Variants in SMARCA4 observed in about 807,000 individuals in gnomAD.
SMARCA4 encodes the protein SWI/SNF related BAF chromatin remodeling complex subunit ATPase 4, also known as SWI/SNF-related matrix-associated actin-dependent regulator of chromatin subfamily A member 4.
In SMARCA4, 31 loss-of-function variants were observed where a neutral mutation model predicts 193.9. The ratio of observed to expected loss-of-function variants is 0.16; its 90% CI spans 0.12 to 0.22. SMARCA4 has a LOEUF of 0.22. SMARCA4 is among the 10% of genes least tolerant of loss of function. SMARCA4 has a pLI of 1.00. For synonymous variants in SMARCA4, 942 were observed against 933.1 expected (o/e 1.01, Z -0.17); for missense variants, 1,148 against 2,296.0 (o/e 0.50, Z 10.22).
intron 11 of SMARCA4, among the ~76,000 whole-genome samples, chr19:11,002,346 A>T (rs1034667262): frequency 1.3e-5 from 2 of 152,000 alleles, no homozygotes; most frequent in African/African-American, 4.8e-5. Flanking sequence ...GGGCATGGTG[A>T]TGGGCACCTG....
At chr19:11,023,444 C>A in intron 19 of SMARCA4, 74 bp from the exon 20 acceptor site, 1 of 968,710 alleles carries the variant, frequency 1.0e-6, no homozygotes, top group Non-Finnish European at 1.6e-6. Flanking sequence ...TCCCCACATC[C>A]GCACCTTCTA....
At position 10,985,173 on chromosome 19, in the gene SMARCA4, C is replaced by A. The variant is rs2085907721; in HGVS notation, c.223-100C>A. The A allele has an allele frequency of 1.6e-6, 2 of 1,271,324 alleles. No individual in the cohort carries two copies. The highest frequency in any genetic ancestry group is 2.3e-6 in the Non-Finnish European group (2 of 874,972). 78.8% of individuals were successfully genotyped at this position (1,271,324 alleles called of 1,614,324 possible). ...GGAGATGCGCGTCATCTTCGGGTGG[C>A]TGTTCTCGGTGCCCTCGAGCTTCTC... On this transcript the variant is annotated intron_variant, in intron 2 of 34. Coordinates refer to ENST00000344626, the MANE Select transcript of SMARCA4 (RefSeq NM_003072.5). The surrounding 1 kb of genome is among the most constrained non-coding windows in gnomAD (Gnocchi z 4.5).
At chr19:11,061,525 G>A (rs1196514279) in intron 34 of SMARCA4, among the ~76,000 whole-genome samples, 5 of 152,024 alleles carry the variant, frequency 3.3e-5, no homozygotes, top group African/African-American at 4.8e-5. Context: ...ACAGGCGCCC[G>A]CCACCACGCC....
In SMARCA4 at chr19:10,984,111, T is replaced by C. The variant is rs2145719007; in HGVS notation, c.-31-10T>C. Reference sequence around the variant, plus strand: ...TCATGAACCCCAGACTGACCAGGACTGTCTTCCAGCAGGAGGCCACTGTCT... The same window carrying C: ...TCATGAACCCCAGACTGACCAGGACCGTCTTCCAGCAGGAGGCCACTGTCT... On this transcript the variant is annotated splice_polypyrimidine_tract_variant and intron_variant, in intron 1 of 34. Coordinates refer to ENST00000344626, the MANE Select transcript of SMARCA4 (RefSeq NM_003072.5). The surrounding 1 kb of genome is among the most constrained non-coding windows in gnomAD (Gnocchi z 4.3). 1 of 1,612,984 alleles carries C rather than the reference T, an allele frequency of 6.2e-7. No homozygotes were observed. The highest frequency in any genetic ancestry group is 8.5e-7 in the Non-Finnish European group (1 of 1,179,540).
At chr19:11,051,628 C>T (rs1246547867) in intron 30 of SMARCA4, among the ~76,000 whole-genome samples, 13 of 151,808 alleles carry the variant, frequency 8.6e-5, no homozygotes, top group African/African-American at 1.4e-4. Flanking sequence ...GTAGCTGGGA[C>T]TACAGGCATG....
At chr19:10,974,676 T>TGC (rs897282835) in intron 1 of SMARCA4, among the ~76,000 whole-genome samples, 3 of 46,812 alleles carry the variant, frequency 6.4e-5, no homozygotes, top group African/African-American at 2.2e-4. Flanking sequence ...CATATATATA[T>TGC]ATATATATAT....
At chr19:10,988,063 C>A in intron 6 of SMARCA4, 139 bp downstream of exon 6, 1 of 793,250 alleles carries the variant, frequency 1.3e-6, no homozygotes, top group Non-Finnish European at 2.1e-6. Context: ...CCTCCTTCCT[C>A]ACCTCCCTGC....
In SMARCA4 at chr19:10,987,241, G is replaced by A. The variant is rs1015202120; in HGVS notation, c.859+238G>A. The stretch of plus-strand genomic sequence containing the variant: ...CACCCAGTCCCTGAGCCCTGTATAT[G>A]TAATTGCTCAGTAAGTGCTGCAGGC... On this transcript the variant is annotated intron_variant, in intron 5 of 34. Coordinates refer to ENST00000344626, the MANE Select transcript of SMARCA4 (RefSeq NM_003072.5). This position sits in a 1 kb window ranked among gnomAD's most constrained non-coding sequence, Gnocchi z 5.3. Among the ~76,000 whole-genome samples the A allele has an allele frequency of 6.6e-6, 1 of 152,214 alleles. No homozygotes were observed. Among genetic ancestry groups the A allele is most frequent in the Non-Finnish European group, 1.5e-5 (1 of 68,036 alleles).
At chr19:11,025,759 A>G (rs1235669655) in intron 22 of SMARCA4, 6 of 502,620 alleles carry the variant, frequency 1.2e-5, no homozygotes, top group African/African-American at 9.6e-5. Flanking sequence ...GCGTTTGGAG[A>G]CTTCTCTGGG....
chr19:11,057,836 C>T (rs2076629893), intron 30 of SMARCA4, among the ~76,000 whole-genome samples: 2 of 152,224 alleles, frequency 1.3e-5, no homozygotes, highest in East Asian at 1.9e-4. Context: ...GGCATGGTGG[C>T]TCACACCTGT....
chr19:10,986,857 A>C lies in SMARCA4; in HGVS notation c.761-48A>C, dbSNP rs1177744608. On this transcript the variant is annotated intron_variant, in intron 4 of 34. Coordinates refer to ENST00000344626, the MANE Select transcript of SMARCA4 (RefSeq NM_003072.5). The surrounding 1 kb of genome is among the most constrained non-coding windows in gnomAD (Gnocchi z 6.7). ...GCTGCCCACGGGGCTGGGCGCAGGCATAAACCTGGGACGCACTGTTTTCTC... is the reference window on the plus strand; with the variant it reads ...GCTGCCCACGGGGCTGGGCGCAGGCCTAAACCTGGGACGCACTGTTTTCTC... The C allele has an allele frequency of 1.3e-6, 2 of 1,513,864 alleles. No individual in the cohort carries two copies. The highest frequency in any genetic ancestry group is 1.8e-6 in the Non-Finnish European group (2 of 1,089,702). 93.8% of individuals were successfully genotyped at this position (1,513,864 alleles called of 1,614,324 possible). A position where few individuals can be genotyped will look rare whatever the true frequency, so the allele number is the denominator to read the frequency against.
intron 11 of SMARCA4, 40 bp from the exon 12 acceptor site, chr19:11,002,989 G>A (rs1485358331): frequency 4.3e-6 from 7 of 1,613,132 alleles, no homozygotes; most frequent in South Asian, 1.1e-5. Flanking sequence ...TGGTCTGGAG[G>A]CCCTGCAACC....
At chr19:11,021,322 T>A in intron 18 of SMARCA4, 2 of 357,750 alleles carry the variant, frequency 5.6e-6, no homozygotes, top group Non-Finnish European at 1.1e-5. Context: ...AAATGTACCG[T>A]CACCAACCCA....
Position 11,059,210 on chromosome 19 carries a change from G to C in SMARCA4, c.4635+321G>C, listed in dbSNP as rs149534205. 133 of 345,470 alleles carry C rather than the reference G, an allele frequency of 3.8e-4. 1 individual carries two copies. The highest frequency in any genetic ancestry group is 2.5e-3 in the African/African-American group (118 of 47,614). 21.4% of individuals were successfully genotyped at this position (345,470 alleles called of 1,614,324 possible). A position where few individuals can be genotyped will look rare whatever the true frequency, so the allele number is the denominator to read the frequency against. ...GAAGAAAATAAAGATAGGCACAACA[G>C]AAGAAATAGACTCAGAGTCCTCTGT... On this transcript the variant is annotated intron_variant, in intron 32 of 34. Coordinates refer to ENST00000344626, the MANE Select transcript of SMARCA4 (RefSeq NM_003072.5).
intron 30 of SMARCA4, among the ~76,000 whole-genome samples, chr19:11,050,139 T>G (rs1273118519): frequency 6.6e-6 from 1 of 152,184 alleles, no homozygotes; most frequent in Non-Finnish European, 1.5e-5. Flanking sequence ...AACTTGAACT[T>G]GATGCTTGTG....
At chr19:10,992,235 C>T (rs533260185) in intron 8 of SMARCA4, among the ~76,000 whole-genome samples, 1 of 151,594 alleles carries the variant, frequency 6.6e-6, no homozygotes, top group Admixed American at 6.6e-5. Flanking sequence ...CCTCAGCCTA[C>T]CTAGTAGCTG....
At position 10,971,657 on chromosome 19, in the gene SMARCA4, G is replaced by A. The variant is rs563677200; in HGVS notation, c.-32+10483G>A. Among the ~76,000 whole-genome samples the A allele has an allele frequency of 4.6e-5, 7 of 152,036 alleles. No homozygotes were observed. The South Asian group carries it at 1.0e-3, about 23-fold the overall frequency. On this transcript the variant is annotated intron_variant, in intron 1 of 34. Transcript: ENST00000344626. ...TAATTTTTGTATTTTTCGTAGAGACGAGGTTTCACCGTGTTGCCCAGGCTG... is the reference window on the plus strand; with the variant it reads ...TAATTTTTGTATTTTTCGTAGAGACAAGGTTTCACCGTGTTGCCCAGGCTG...
chr19:10,994,485 C>T (rs370413550), intron 8 of SMARCA4, among the ~76,000 whole-genome samples: 5 of 151,714 alleles, frequency 3.3e-5, no homozygotes, highest in South Asian at 2.1e-4. Flanking sequence ...TCACCACGCC[C>T]GGCTGATTTT....
At chr19:10,991,830 G>A (rs1349327003) in intron 8 of SMARCA4, among the ~76,000 whole-genome samples, 1 of 152,182 alleles carries the variant, frequency 6.6e-6, no homozygotes, top group African/African-American at 2.4e-5. Context: ...GAGGTGACGA[G>A]CAGGTGATGC....
Sources: allele counts gnomAD v4.1 joint callset (sites outside exome capture counted in the v4.1 genomes callset), GRCh38; gene constraint gnomAD v4.1.1; non-coding constraint Gnocchi (gnomAD v3.1); transcripts MANE v1.5; gene names NCBI Gene and HGNC (gene_info 2026-07-23, HGNC 2026-07-21).